SOCS4: variants seen among roughly 807,000 people sequenced by gnomAD.
SOCS4 encodes the protein SH2 domain containing SOCS box protein.
In SOCS4, 20 loss-of-function variants were observed where a neutral mutation model predicts 34.1. The observed-to-expected ratio is 0.59, with a 90% CI of 0.41 to 0.85. The LOEUF is 0.85. SOCS4 is among the 40% of genes least tolerant of loss of function. The pLI is 0.00. For synonymous variants in SOCS4, 180 were observed against 186.4 expected (o/e 0.97, Z 0.28); for missense variants, 479 against 532.4 (o/e 0.90, Z 0.99).
rs2042687582 is a variant in SOCS4 at position 55,047,532 on chromosome 14, A to G, written c.*3168A>G. ...ATTTAAAGGAAGACCTAATAGGAAG[A>G]AGATTAAAGGAAGCTTTTAGTCAGC... On this transcript the variant is annotated 3_prime_UTR_variant, in exon 3 of 3. Coordinates refer to ENST00000555846, the MANE Select transcript of SOCS4 (RefSeq NM_199421.2). 1 of 167,110 alleles carries G rather than the reference A, an allele frequency of 6.0e-6. No individual in the cohort carries two copies. The highest frequency in any genetic ancestry group is 2.4e-5 in the African/African-American group (1 of 41,470). The allele number at this position is 167,110 out of a possible 1,614,324, so 10.4% of individuals were successfully genotyped here.
chr14:55,039,018 G>C (rs2042595730), intron 2 of SOCS4, among the ~76,000 whole-genome samples: 1 of 152,122 alleles, frequency 6.6e-6, no homozygotes, highest in African/African-American at 2.4e-5. Flanking sequence ...ATATTTTCTT[G>C]TTGTTTGGAC....
Position 55,043,045 on chromosome 14 carries a change from G to T in SOCS4, c.4G>T (p.Ala2Ser). The T allele has an allele frequency of 1.3e-6, 2 of 1,599,196 alleles. No individual in the cohort carries two copies. Among genetic ancestry groups the T allele is most frequent in the Non-Finnish European group, 1.7e-6 (2 of 1,172,112 alleles). The stretch of plus-strand genomic sequence containing the variant: ...AGAATCTGGATAATTTGTTAACATG[G>T]CAGAAAATAATGAAAATATTAGTAA... M[A>S]ENNENISKNV... The change falls in exon 3 of 3, where the codon GCA becomes TCA. Residue 2 changes from alanine to serine, a missense_variant. Coordinates refer to ENST00000555846, the MANE Select transcript of SOCS4 (RefSeq NM_199421.2).
Position 55,044,070 on chromosome 14 carries a change from C to T in SOCS4, c.1029C>T (p.Ser343=). ...TTGAACAGTGGAATCACAACTTTAGCTTTGATGCACATGACCCCTGTGTCT... is the reference window on the plus strand; with the variant it reads ...TTGAACAGTGGAATCACAACTTTAGTTTTGATGCACATGACCCCTGTGTCT... The part of the protein sequence containing the change: ...ARIEQWNHNF[S]FDAHDPCVFH... The change falls in exon 3 of 3, where the codon AGC becomes AGT. Residue 343 remains serine, a synonymous_variant. Coordinates refer to ENST00000555846, the MANE Select transcript of SOCS4 (RefSeq NM_199421.2). 6.2e-7 allele frequency: 1 copy of T among 1,614,142 alleles called. No individual in the cohort carries two copies.
chr14:55,049,238 T>C lies in SOCS4; in HGVS notation c.*4874T>C, dbSNP rs1051018307. 6.0e-6 allele frequency: 1 copy of C among 167,098 alleles called. No homozygotes were observed. The highest frequency in any genetic ancestry group is 1.5e-5 in the Non-Finnish European group (1 of 68,124). The allele number at this position is 167,098 out of a possible 1,614,324, so 10.4% of individuals were successfully genotyped here. A position where few individuals can be genotyped will look rare whatever the true frequency, so the allele number is the denominator to read the frequency against. On this transcript the variant is annotated 3_prime_UTR_variant, in exon 3 of 3. Transcript: ENST00000555846. Reference sequence around the variant, plus strand: ...AGGTTTATTTAAATTATGCTGACTTTGCTAGAATTGGATAAATTCTGTATA... The same window carrying C: ...AGGTTTATTTAAATTATGCTGACTTCGCTAGAATTGGATAAATTCTGTATA...
chr14:55,036,330 T>C (rs1240981064), intron 2 of SOCS4, among the ~76,000 whole-genome samples: 4 of 151,880 alleles, frequency 2.6e-5, no homozygotes, highest in Non-Finnish European at 4.4e-5. Context: ...CCTTTAGTCC[T>C]GGGACATTTT....
rs775035719 is a variant in SOCS4, at chr14:55,043,929, C to G, written c.888C>G (p.Ala296=). ...CYWGVMDKYA[A]EALLEGKPEG... The stretch of plus-strand genomic sequence containing the variant: ...GGGGAGTGATGGATAAATACGCAGC[C>G]GAAGCACTACTGGAAGGAAAACCAG... The change falls in exon 3 of 3, where the codon GCC becomes GCG. Residue 296 remains alanine, a synonymous_variant. Transcript: ENST00000555846. 4 of 1,613,962 alleles carry G rather than the reference C, an allele frequency of 2.5e-6. No homozygotes were observed. Among genetic ancestry groups the G allele is most frequent in the South Asian group, 1.1e-5 (1 of 91,082 alleles).
chr14:55,038,497 C>T (rs1444201777), intron 2 of SOCS4, among the ~76,000 whole-genome samples: 2 of 152,160 alleles, frequency 1.3e-5, no homozygotes, highest in Non-Finnish European at 2.9e-5. Context: ...TCTCTTTCTC[C>T]AGGAAAGTAT....
intron 2 of SOCS4, among the ~76,000 whole-genome samples, chr14:55,038,289 AG>A (rs2042590092): frequency 6.6e-6 from 1 of 152,254 alleles, no homozygotes. Flanking sequence ...GGTGGGACAC[AG>A]GCAAACAATA....
chr14:55,038,912 G>C (rs930279737), intron 2 of SOCS4, among the ~76,000 whole-genome samples: 2 of 152,166 alleles, frequency 1.3e-5, no homozygotes, highest in African/African-American at 4.8e-5. Flanking sequence ...TGCTGAGTCA[G>C]TTATTGTTCA....
chr14:55,035,317 A>G (rs144676668), intron 2 of SOCS4, among the ~76,000 whole-genome samples: 1 of 152,208 alleles, frequency 6.6e-6, no homozygotes, highest in East Asian at 1.9e-4. Context: ...TGTAACATAC[A>G]AGTTGGGAGT....
In SOCS4 at chr14:55,048,207, A is replaced by G. The variant is rs2042694109; in HGVS notation, c.*3843A>G. 6.0e-6 allele frequency: 1 copy of G among 167,000 alleles called. No homozygotes were observed. The highest frequency in any genetic ancestry group is 2.1e-4 in the South Asian group (1 of 4,834). 10.3% of individuals were successfully genotyped at this position (167,000 alleles called of 1,614,324 possible). A position where few individuals can be genotyped will look rare whatever the true frequency, so the allele number is the denominator to read the frequency against. On this transcript the variant is annotated 3_prime_UTR_variant, in exon 3 of 3. Transcript: ENST00000555846. ...AGTGCTGGGATTACAGGCATGAGCC[A>G]CTGTGCCCGGCCAAGATCTAACTCA...
Position 55,043,838 on chromosome 14 carries a change from C to T in SOCS4, c.797C>T (p.Thr266Met), listed in dbSNP as rs371318817. 102 of 1,614,156 alleles carry T rather than the reference C, an allele frequency of 6.3e-5. No homozygotes were observed. The East Asian group carries it at 1.4e-3, about 22-fold the overall frequency. Residue 266 changes from threonine to methionine, a missense_variant, in exon 3 of 3, where the codon ACG becomes ATG. By Grantham distance (81) the Thr-to-Met change is moderately conservative. Coordinates refer to ENST00000555846, the MANE Select transcript of SOCS4 (RefSeq NM_199421.2). ...LQLETPPKYH[T>M]QIDYVHCLVP... is the part of the protein sequence containing the mutation. ...TTGGAAACACCTCCTAAATACCACACGCAGATTGATTATGTCCACTGTCTT... is the reference window on the plus strand; with the variant it reads ...TTGGAAACACCTCCTAAATACCACATGCAGATTGATTATGTCCACTGTCTT...
In SOCS4 at chr14:55,047,930, T is replaced by C. The variant is rs1345137965; in HGVS notation, c.*3566T>C. 1.2e-5 allele frequency: 2 copies of C among 166,966 alleles called. No homozygotes were observed. The highest frequency in any genetic ancestry group is 1.9e-4 in the East Asian group (1 of 5,202). The allele number at this position is 166,966 out of a possible 1,614,324, so 10.3% of individuals were successfully genotyped here. A position where few individuals can be genotyped will look rare whatever the true frequency, so the allele number is the denominator to read the frequency against. On this transcript the variant is annotated 3_prime_UTR_variant, in exon 3 of 3. Transcript: ENST00000555846. ...ATGAAACAAAAACCTTGAGATCTCTTTTTTTTTGAGACAGAGTCTCGCTGT... is the reference window on the plus strand; with the variant it reads ...ATGAAACAAAAACCTTGAGATCTCTCTTTTTTTGAGACAGAGTCTCGCTGT...
At chr14:55,038,516 C>T (rs1035993523) in intron 2 of SOCS4, among the ~76,000 whole-genome samples, 11 of 152,184 alleles carry the variant, frequency 7.2e-5, no homozygotes, top group African/African-American at 2.7e-4. Flanking sequence ...ATCTGCCACT[C>T]TTCTGTTAGG....
chr14:55,045,853 A>T lies in SOCS4; in HGVS notation c.*1489A>T. ...CTAGATTGAAAGAAATTTGACTCAT[A>T]AACTTCCAAGTTAGAACAAATATTT... On this transcript the variant is annotated 3_prime_UTR_variant, in exon 3 of 3. Coordinates refer to ENST00000555846, the MANE Select transcript of SOCS4 (RefSeq NM_199421.2). 6.0e-6 allele frequency: 1 copy of T among 167,064 alleles called. No homozygotes were observed. The allele number at this position is 167,064 out of a possible 1,614,324, so 10.3% of individuals were successfully genotyped here.
intron 2 of SOCS4, among the ~76,000 whole-genome samples, chr14:55,036,731 T>G (rs28433876): frequency 3.1e-4 from 47 of 152,330 alleles, no homozygotes; most frequent in African/African-American, 1.1e-3. Context: ...TATATTAATC[T>G]CTAATTTTCT....
At chr14:55,027,943 C>T (rs1375827044) in intron 1 of SOCS4, among the ~76,000 whole-genome samples, 2 of 152,196 alleles carry the variant, frequency 1.3e-5, no homozygotes, top group African/African-American at 2.4e-5. Flanking sequence ...GCAATATCTG[C>T]TAAAGTCTTG....
At chr14:55,030,360 T>A (rs1343635393) in intron 1 of SOCS4, among the ~76,000 whole-genome samples, 1 of 152,132 alleles carries the variant, frequency 6.6e-6, no homozygotes, top group Non-Finnish European at 1.5e-5. Context: ...TTAAAGAATT[T>A]AAAACTTTTT....
intron 2 of SOCS4, among the ~76,000 whole-genome samples, chr14:55,035,120 C>T (rs1467535554): frequency 6.6e-6 from 1 of 152,182 alleles, no homozygotes; most frequent in East Asian, 1.9e-4. Flanking sequence ...CTCGGCCTCC[C>T]AAAGTACTGG....
Sources: allele counts gnomAD v4.1 joint callset (sites outside exome capture counted in the v4.1 genomes callset), GRCh38; gene constraint gnomAD v4.1.1; transcripts MANE v1.5; gene names NCBI Gene and HGNC (gene_info 2026-07-23, HGNC 2026-07-21).